The following AFAP1 variants were observed in gnomAD, a reference collection of about 807,000 sequenced individuals.
AFAP1 encodes actin filament-associated protein 1.
In AFAP1, 75 loss-of-function variants were observed where a neutral mutation model predicts 93.9. The observed-to-expected ratio is 0.80, with a 90% CI of 0.66 to 0.97. AFAP1 has a LOEUF of 0.97. AFAP1 is among the 50% of genes least tolerant of loss of function. The pLI, the probability that AFAP1 is intolerant of heterozygous loss-of-function variation, is 0.00. For missense variants in AFAP1, 1,201 were observed against 1,050.8 expected, an observed-to-expected ratio of 1.14 and a Z score of -1.98; for synonymous variants, 517 against 430.7, an observed-to-expected ratio of 1.20 and a Z score of -2.48.
rs772858586 is a variant in AFAP1 at position 7,807,355 on chromosome 4, T to G, written c.1054+2259A>C. On this transcript the variant is annotated intron_variant, in intron 9 of 17. Transcript: ENST00000420658. Reference sequence around the variant, plus strand: ...TGATGTGAGGCAGTCCCACCTTCCATGCGCTCCAAGAAAGGCAGAGGTCAG... The same window carrying G: ...TGATGTGAGGCAGTCCCACCTTCCAGGCGCTCCAAGAAAGGCAGAGGTCAG... 4.7e-4 allele frequency among the ~76,000 whole-genome samples: 72 copies of G among 152,212 alleles called. 2 individuals are homozygous for G. The highest frequency in any genetic ancestry group is 2.1e-4 in the Non-Finnish European group (14 of 68,034).
At position 7,805,214 on chromosome 4, in the gene AFAP1, G is replaced by C. The variant is rs192162682; in HGVS notation, c.1054+4400C>G. 5.9e-4 allele frequency among the ~76,000 whole-genome samples: 90 copies of C among 152,230 alleles called. No homozygotes were observed. In the East Asian group the frequency reaches 0.016, roughly 28 times the overall value. On this transcript the variant is annotated intron_variant, in intron 9 of 17. Transcript: ENST00000420658. ...CAGTGCCTGGCTTCGTCTACTTTTC[G>C]TGGAGGTGGATTATGATACCAAATG...
intron 1 of AFAP1, among the ~76,000 whole-genome samples, chr4:7,904,215 G>C (rs1218665193): frequency 6.6e-6 from 1 of 152,034 alleles, no homozygotes; most frequent in Non-Finnish European, 1.5e-5. Context: ...ACCAATACGT[G>C]GAGACTGAAG....
chr4:7,852,434 G>A (rs1399555029), intron 4 of AFAP1, among the ~76,000 whole-genome samples: 1 of 152,146 alleles, frequency 6.6e-6, no homozygotes, highest in Non-Finnish European at 1.5e-5. Context: ...CTGAGGTGAC[G>A]GACCCCAATT....
chr4:7,877,845 C>T (rs1433028500), intron 1 of AFAP1, among the ~76,000 whole-genome samples: 1 of 152,182 alleles, frequency 6.6e-6, no homozygotes, highest in Non-Finnish European at 1.5e-5. Flanking sequence ...TCAACATAGA[C>T]TACAGAGTAA....
At chr4:7,879,728 GTCTC>G (rs1717735889) in intron 1 of AFAP1, among the ~76,000 whole-genome samples, 1 of 144,100 alleles carries the variant, frequency 6.9e-6, no homozygotes, top group Non-Finnish European at 1.5e-5. Flanking sequence ...GTGAGACAGG[GTCTC>G]TCTCTGTTGC....
At chr4:7,935,987 C>G (rs377480119) in intron 1 of AFAP1, among the ~76,000 whole-genome samples, 4 of 152,116 alleles carry the variant, frequency 2.6e-5, no homozygotes, top group Non-Finnish European at 4.4e-5. Context: ...TAAAGAAAAT[C>G]TGGTCGCGTT....
chr4:7,852,203 C>T (rs1714518253), intron 4 of AFAP1, among the ~76,000 whole-genome samples: 1 of 152,180 alleles, frequency 6.6e-6, no homozygotes, highest in Admixed American at 6.5e-5. Context: ...CCCAGATTCA[C>T]AGCCCAAGAA....
At chr4:7,809,862 T>A in intron 8 of AFAP1, 99 bp from the exon 9 acceptor site, 1 of 1,400,244 alleles carries the variant, frequency 7.1e-7, no homozygotes, top group African/African-American at 1.5e-5. Context: ...TCCCTTGGCA[T>A]TTTTTTCTTT....
At chr4:7,891,806 T>C (rs1718489885) in intron 1 of AFAP1, among the ~76,000 whole-genome samples, 1 of 148,042 alleles carries the variant, frequency 6.8e-6, no homozygotes, top group Non-Finnish European at 1.5e-5. Context: ...CCCAGCACTT[T>C]GGGATGCCAA....
intron 11 of AFAP1, among the ~76,000 whole-genome samples, chr4:7,786,524 G>A (rs556487198): frequency 2.6e-4 from 39 of 152,270 alleles, no homozygotes; most frequent in African/African-American, 8.7e-4. Context: ...GCAGAACTGC[G>A]GCACAGATCG....
chr4:7,830,722 G>T (rs998997873), intron 6 of AFAP1, among the ~76,000 whole-genome samples: 1 of 152,044 alleles, frequency 6.6e-6, no homozygotes, highest in East Asian at 1.9e-4. Context: ...CGATCCTCCT[G>T]CCTCTGCCCC....
At chr4:7,924,155 G>A (rs1014903174) in intron 1 of AFAP1, among the ~76,000 whole-genome samples, 1 of 152,166 alleles carries the variant, frequency 6.6e-6, no homozygotes, top group Non-Finnish European at 1.5e-5. Context: ...AAAGAATACT[G>A]CTTTCTATTC....
At chr4:7,850,792 G>A (rs1351923802) in intron 4 of AFAP1, among the ~76,000 whole-genome samples, 2 of 152,374 alleles carry the variant, frequency 1.3e-5, no homozygotes, top group African/African-American at 2.4e-5. Context: ...AAGGGCATCC[G>A]CATCTTGTGC....
chr4:7,784,132 C>T (rs188039279), intron 12 of AFAP1, among the ~76,000 whole-genome samples: 12 of 152,246 alleles, frequency 7.9e-5, no homozygotes, highest in African/African-American at 2.9e-4. Context: ...CAAGCCCCTA[C>T]CCAGGGGTGG....
In AFAP1 at chr4:7,772,942, C is replaced by T; in HGVS notation, c.2131G>A (p.Ala711Thr). 5 of 1,613,828 alleles carry T rather than the reference C, an allele frequency of 3.1e-6. No individual in the cohort carries two copies. In the South Asian group the frequency reaches 5.5e-5, roughly 18 times the overall value. The change falls in exon 16 of 18, where the codon GCG becomes ACG. Residue 711 changes from alanine to threonine, a missense_variant. Ala to Thr is a moderately conservative substitution (Grantham distance 58, BLOSUM62 0). Transcript: ENST00000420658. The part of the protein sequence containing the change: ...QLEEECRQKE[A>T]ERVSLELELT... ...TCCAGCTCCAGGCTGACACGCTCCG[C>T]CTCCTTCTGCCGGCACTCCTCCTCC... is the stretch of plus-strand genomic sequence containing the variant.
chr4:7,903,180 T>C (rs1425825524), intron 1 of AFAP1, among the ~76,000 whole-genome samples: 23 of 151,994 alleles, frequency 1.5e-4, no homozygotes. Context: ...AGCCAATTGA[T>C]TCATTCATTC....
chr4:7,855,644 A>T (rs1714964460), intron 3 of AFAP1, 70 bp from the exon 4 acceptor site: 2 of 1,231,578 alleles, frequency 1.6e-6, no homozygotes, highest in East Asian at 4.6e-5. Flanking sequence ...ATTTCCAATT[A>T]ACAGGTGTGG....
At position 7,889,690 on chromosome 4, in the gene AFAP1, GTTTTTT is replaced by G. The variant is rs377063737; in HGVS notation, c.-2-17616_-2-17611del. On this transcript the variant is annotated intron_variant, in intron 1 of 17. Coordinates refer to ENST00000420658, the MANE Select transcript of AFAP1 (RefSeq NM_001134647.2). ...TACATCAACTGTACCTCAATGAAGC[GTTTTTT>G]TTTTTTTTAAAAAAAGAACAATTGA... 9.4e-4 allele frequency among the ~76,000 whole-genome samples: 101 copies of G among 107,212 alleles called. 1 individual carries two copies. The East Asian group carries it at 0.021, about 23-fold the overall frequency. 70.3% of individuals were successfully genotyped at this position (107,212 alleles called of 152,430 possible).
At chr4:7,809,061 TTG>T (rs1719781491) in intron 9 of AFAP1, among the ~76,000 whole-genome samples, 1 of 85,048 alleles carries the variant, frequency 1.2e-5, no homozygotes, top group Non-Finnish European at 1.9e-5. Flanking sequence ...AGTTTTGTTT[TTG>T]TTTTTTTTTT....
Sources: allele counts gnomAD v4.1 joint callset (sites outside exome capture counted in the v4.1 genomes callset), GRCh38; gene constraint gnomAD v4.1.1; transcripts MANE v1.5; gene names NCBI Gene and HGNC (gene_info 2026-07-23, HGNC 2026-07-21).